The following CEACAM19 variants were observed in gnomAD, a reference collection of about 807,000 sequenced individuals.
CEACAM19 encodes cell adhesion molecule CEACAM19.
Under a neutral mutation model 37.6 loss-of-function variants are expected in CEACAM19, and 37 were observed. That is an observed-to-expected ratio of 0.98 (90% confidence interval 0.76 to 1.29). The LOEUF (loss-of-function observed/expected upper bound fraction) is 1.29, where lower values mean the gene tolerates loss of function less well. CEACAM19 is among the 50% of genes most tolerant of loss of function. The pLI is 0.00. For synonymous variants in CEACAM19, 140 were observed against 149.8 expected (o/e 0.93, Z 0.48); for missense variants, 340 against 375.6 (o/e 0.91, Z 0.78).
At chr19:44,674,395 C>T (rs1442710250) in intron 2 of CEACAM19, among the ~76,000 whole-genome samples, 2 of 151,870 alleles carry the variant, frequency 1.3e-5, no homozygotes, top group Admixed American at 6.6e-5. Flanking sequence ...GTCTCAAACT[C>T]CTGGCCTCAA....
intron 4 of CEACAM19, among the ~76,000 whole-genome samples, chr19:44,679,566 G>A (rs539148737): frequency 2.0e-5 from 3 of 152,220 alleles, no homozygotes; most frequent in African/African-American, 4.8e-5. Context: ...TGGCTAACAC[G>A]GTGAAACCCC....
chr19:44,671,687 G>T lies in CEACAM19; in HGVS notation c.-245G>T. 1 of 510,704 alleles carries T rather than the reference G, an allele frequency of 2.0e-6. No homozygotes were observed. Among genetic ancestry groups the T allele is most frequent in the Non-Finnish European group, 3.5e-6 (1 of 285,630 alleles). The allele number at this position is 510,704 out of a possible 1,614,324, so 31.6% of individuals were successfully genotyped here. On this transcript the variant is annotated 5_prime_UTR_variant, in exon 1 of 8. The change creates a premature stop within an existing upstream ORF in the 5' untranslated region. Transcript: ENST00000358777. ...GAAGAGGGTCAGGGGAGGAGTCCTG[G>T]GAAGTTCCCCAGTCACCCTGAAAAA...
intron 3 of CEACAM19, chr19:44,677,956 A>G (rs2919845): frequency 0.83 from 126,004 of 152,136 alleles, 52,787 homozygotes; most frequent in African/African-American, 0.96. Context: ...AATTACAGGC[A>G]TGAGCCACTG....
intron 6 of CEACAM19, 34 bp from the exon 7 acceptor site, chr19:44,682,533 C>T (rs374734010): frequency 5.7e-5 from 90 of 1,567,034 alleles, no homozygotes; most frequent in East Asian, 3.8e-4. Context: ...TGGGGGGTGC[C>T]GAGCGCCCAC....
chr19:44,681,071 T>C (rs778012992), intron 5 of CEACAM19, among the ~76,000 whole-genome samples, 156 bp from the exon 6 acceptor site: 2 of 152,088 alleles, frequency 1.3e-5, no homozygotes, highest in African/African-American at 4.8e-5. Flanking sequence ...CCTGGGACTG[T>C]CGTGGTCAGC....
chr19:44,680,931 G>T (rs2122149805), intron 5 of CEACAM19, among the ~76,000 whole-genome samples: 1 of 151,960 alleles, frequency 6.6e-6, no homozygotes, highest in Non-Finnish European at 1.5e-5. Flanking sequence ...TGAGTCCTAG[G>T]CTACTTAGGC....
chr19:44,668,336 TATAATATATATA>T (rs1973780033), upstream of CEACAM19, among the ~76,000 whole-genome samples: 1 of 20,174 alleles, frequency 5.0e-5, no homozygotes, highest in African/African-American at 2.9e-4. Flanking sequence ...ATAATATGTT[TATAATATATATA>T]ATATATTTAT....
Position 44,672,915 on chromosome 19 carries a change from C to T in CEACAM19, c.375C>T (p.Thr125=), listed in dbSNP as rs762905429. The T allele has an allele frequency of 5.2e-6, 8 of 1,548,494 alleles. No individual in the cohort carries two copies. Among genetic ancestry groups the T allele is most frequent in the Non-Finnish European group, 5.2e-6 (6 of 1,143,666 alleles). Residue 125 remains threonine, a synonymous_variant, in exon 2 of 8, where the codon ACC becomes ACT. Transcript: ENST00000358777. ...GTGGCACCTACCAAGTAGCCATTACCATCAACTCTGAATGGACTATGAAGG... is the reference window on the plus strand; with the variant it reads ...GTGGCACCTACCAAGTAGCCATTACTATCAACTCTGAATGGACTATGAAGG... The part of the protein sequence containing the change: ...TDSGTYQVAI[T]INSEWTMKAK...
At chr19:44,671,363 AC>A (rs2123785552), upstream of CEACAM19, 1 of 278,818 alleles carries the variant, frequency 3.6e-6, no homozygotes, top group East Asian at 5.9e-5. Context: ...CTCGTGATCT[AC>A]CCACCTTGGC....
At chr19:44,680,740 C>G (rs1974042447) in intron 5 of CEACAM19, among the ~76,000 whole-genome samples, 1 of 152,146 alleles carries the variant, frequency 6.6e-6, no homozygotes, top group Non-Finnish European at 1.5e-5. Flanking sequence ...TCCCCTGTGC[C>G]CTTGGGACAA....
chr19:44,682,287 C>G (rs1307052398), intron 6 of CEACAM19, among the ~76,000 whole-genome samples: 2 of 152,184 alleles, frequency 1.3e-5, no homozygotes, highest in Admixed American at 1.3e-4. Flanking sequence ...ACATAAAACA[C>G]TAAGGCTAAG....
Position 44,672,670 on chromosome 19 carries a change from CAAAA to C in CEACAM19, c.131_134del (p.Gln44ArgfsTer78). On this transcript the variant is annotated frameshift_variant, in exon 2 of 8. Coordinates refer to ENST00000358777, the MANE Select transcript of CEACAM19 (RefSeq NM_001127893.3). LOFTEE classifies it high-confidence loss of function. ...CATCCAGAAGATTCCAGAGCAGCCT[CAAAA>C]GAACCAGGACCTTCTCCTGTCAGTC... The C allele has an allele frequency of 6.5e-7, 1 of 1,539,968 alleles. No homozygotes were observed. Among genetic ancestry groups the C allele is most frequent in the Non-Finnish European group, 8.8e-7 (1 of 1,142,136 alleles).
chr19:44,673,627 G>A (rs1282172818), intron 2 of CEACAM19: 1 of 152,098 alleles, frequency 6.6e-6, no homozygotes, highest in Non-Finnish European at 1.5e-5. Flanking sequence ...ATCACCCCTG[G>A]TTGAGAACCA....
At chr19:44,669,526 G>A (rs1294051845), upstream of CEACAM19, among the ~76,000 whole-genome samples, 1 of 151,954 alleles carries the variant, frequency 6.6e-6, no homozygotes, top group African/African-American at 2.4e-5. Context: ...AACCAACAGA[G>A]CACATTTGAT....
upstream of CEACAM19, among the ~76,000 whole-genome samples, chr19:44,668,598 CAT>C (rs1402406228): frequency 6.1e-4 from 10 of 16,502 alleles, no homozygotes; most frequent in African/African-American, 2.3e-3. Flanking sequence ...ATTATATACA[CAT>C]ATTATATATG....
rs1973871816 is a variant in CEACAM19 at position 44,672,441 on chromosome 19, A to T, written c.56-155A>T. 11 of 826,964 alleles carry T rather than the reference A, an allele frequency of 1.3e-5. 1 individual carries two copies. The East Asian group carries it at 3.1e-4, about 23-fold the overall frequency. 51.2% of individuals were successfully genotyped at this position (826,964 alleles called of 1,614,324 possible). A position where few individuals can be genotyped will look rare whatever the true frequency, so the allele number is the denominator to read the frequency against. On this transcript the variant is annotated intron_variant, in intron 1 of 7. Transcript: ENST00000358777. The stretch of plus-strand genomic sequence containing the variant: ...ACCATGCCTGTGTTCCCACTCCTGC[A>T]CCCAGGGCAGACATCACTAATCAAT...
At chr19:44,672,417 C>A in intron 1 of CEACAM19, 179 bp from the exon 2 acceptor site, 1 of 626,364 alleles carries the variant, frequency 1.6e-6, no homozygotes. Flanking sequence ...TCTGTGGTAA[C>A]CATGCCTGTG....
At position 44,676,278 on chromosome 19, in the gene CEACAM19, T is replaced by C; in HGVS notation, c.432T>C (p.Asn144=). 6.2e-7 allele frequency: 1 copy of C among 1,613,932 alleles called. No homozygotes were observed. The highest frequency in any genetic ancestry group is 8.5e-7 in the Non-Finnish European group (1 of 1,179,928). The part of the protein sequence containing the change: ...AKTEVQVAEK[N]KELPSTHLPT... Reference sequence around the variant, plus strand: ...CTTTCTCTCACCCCTCAGAAAAGAATAAGGAGCTGCCCAGTACACACCTGC... The same window carrying C: ...CTTTCTCTCACCCCTCAGAAAAGAACAAGGAGCTGCCCAGTACACACCTGC... Residue 144 remains asparagine (N), a synonymous_variant, in exon 3 of 8, where the codon AAT becomes AAC. Transcript: ENST00000358777.
At chr19:44,668,669 A>ATTAT (rs1973803191), upstream of CEACAM19, among the ~76,000 whole-genome samples, 1 of 79,162 alleles carries the variant, frequency 1.3e-5, no homozygotes, top group African/African-American at 5.8e-5. Context: ...ATAATTATAT[A>ATTAT]CATATATTAT....
Sources: allele counts gnomAD v4.1 joint callset (sites outside exome capture counted in the v4.1 genomes callset), GRCh38; gene constraint gnomAD v4.1.1; transcripts MANE v1.5; gene names NCBI Gene and HGNC (gene_info 2026-07-23, HGNC 2026-07-21).